Variants in STAU2 observed in about 807,000 individuals in gnomAD.
STAU2 encodes double-stranded RNA-binding protein Staufen homolog 2.
A neutral mutation model predicts 65.9 loss-of-function variants in STAU2; 20 were observed. The ratio of observed to expected loss-of-function variants is 0.30; its 90% CI spans 0.21 to 0.44. STAU2 has a LOEUF of 0.44. STAU2 is among the 20% of genes least tolerant of loss of function. The pLI, the probability that STAU2 is intolerant of heterozygous loss-of-function variation, is 1.00. For missense variants in STAU2, 558 were observed against 683.9 expected, an observed-to-expected ratio of 0.82 and a Z score of 2.05; for synonymous variants, 232 against 233.9, an observed-to-expected ratio of 0.99 and a Z score of 0.07.
chr8:73,653,777 T>C, intron 6 of STAU2: 1 of 269,864 alleles, frequency 3.7e-6, no homozygotes, highest in Non-Finnish European at 7.2e-6. Flanking sequence ...GTAAACAGTT[T>C]TCTTCATGAC....
intron 11 of STAU2, among the ~76,000 whole-genome samples, chr8:73,586,159 A>T (rs1403873832): frequency 6.6e-6 from 1 of 152,230 alleles, no homozygotes; most frequent in African/African-American, 2.4e-5. Context: ...CAGATGAAGA[A>T]GTTGTAGCTA....
At chr8:73,678,454 T>C (rs2130447315) in intron 5 of STAU2, among the ~76,000 whole-genome samples, 1 of 152,286 alleles carries the variant, frequency 6.6e-6, no homozygotes, top group South Asian at 2.1e-4. Context: ...TATTCTTTCC[T>C]CTCATCTATA....
At chr8:73,671,524 A>G (rs1394324194) in intron 6 of STAU2, among the ~76,000 whole-genome samples, 1 of 152,164 alleles carries the variant, frequency 6.6e-6, no homozygotes, top group African/African-American at 2.4e-5. Context: ...CTTTAGTGCA[A>G]TTGGGCAATG....
intron 12 of STAU2, among the ~76,000 whole-genome samples, chr8:73,564,941 CAT>C (rs909712298): frequency 4.6e-5 from 7 of 152,140 alleles, no homozygotes; most frequent in Admixed American, 1.3e-4. Context: ...CGCGTGTGCA[CAT>C]GTGTCCTGGA....
At chr8:73,597,372 GC>G (rs1469549361) in intron 10 of STAU2, among the ~76,000 whole-genome samples, 5 of 151,952 alleles carry the variant, frequency 3.3e-5, no homozygotes, top group Non-Finnish European at 7.4e-5. Flanking sequence ...GATTACTGAG[GC>G]CGGGTGGAGT....
intron 1 of STAU2, 150 bp downstream of exon 1, chr8:73,746,633 A>C: frequency 1.3e-5 from 4 of 301,824 alleles, no homozygotes; most frequent in East Asian, 1.3e-4. Flanking sequence ...TGTGGGAGGG[A>C]AGGCGCGGGG....
At chr8:73,442,685 G>C (rs1818251845) in intron 13 of STAU2, among the ~76,000 whole-genome samples, 1 of 152,164 alleles carries the variant, frequency 6.6e-6, no homozygotes, top group African/African-American at 2.4e-5. Context: ...GCCAAACACA[G>C]TTTTTTCTAA....
At chr8:73,592,348 G>A (rs1228067323) in intron 11 of STAU2, among the ~76,000 whole-genome samples, 3 of 151,940 alleles carry the variant, frequency 2.0e-5, no homozygotes, top group African/African-American at 7.3e-5. Flanking sequence ...AAAAGAAAAA[G>A]GGAATGTTAT....
At chr8:73,631,182 T>C (rs1814064798) in intron 6 of STAU2, among the ~76,000 whole-genome samples, 1 of 152,214 alleles carries the variant, frequency 6.6e-6, no homozygotes, top group East Asian at 1.9e-4. Flanking sequence ...ATAGCAAGAC[T>C]GTCTCTACAA....
intron 6 of STAU2, among the ~76,000 whole-genome samples, chr8:73,658,971 T>C (rs1187763359): frequency 1.3e-5 from 2 of 148,288 alleles, no homozygotes; most frequent in East Asian, 3.9e-4. Context: ...CATACTTAAA[T>C]TGCTTTCTAA....
intron 9 of STAU2, among the ~76,000 whole-genome samples, chr8:73,612,498 C>A (rs1458555978): frequency 6.6e-6 from 1 of 152,094 alleles, no homozygotes; most frequent in Non-Finnish European, 1.5e-5. Context: ...AAGTGCCAGT[C>A]CTCTTTGGAA....
chr8:73,680,608 A>C (rs1233386055), intron 5 of STAU2, among the ~76,000 whole-genome samples: 1 of 152,164 alleles, frequency 6.6e-6, no homozygotes, highest in African/African-American at 2.4e-5. Context: ...GATCCAAACC[A>C]GGAAGAAATA....
chr8:73,448,579 G>A (rs892487858), intron 13 of STAU2, among the ~76,000 whole-genome samples: 10 of 152,156 alleles, frequency 6.6e-5, no homozygotes, highest in African/African-American at 2.4e-4. Context: ...CACCACGCCC[G>A]GCTAGGAGAC....
chr8:73,542,981 A>G (rs925351310), intron 13 of STAU2, among the ~76,000 whole-genome samples: 1 of 152,224 alleles, frequency 6.6e-6, no homozygotes, highest in African/African-American at 2.4e-5. Flanking sequence ...TTGTAAATCA[A>G]TGTTCATAAA....
At chr8:73,569,309 G>A (rs1285603293) in intron 12 of STAU2, among the ~76,000 whole-genome samples, 1 of 152,110 alleles carries the variant, frequency 6.6e-6, no homozygotes, top group Non-Finnish European at 1.5e-5. Flanking sequence ...AAAGCAGCCG[G>A]GAAGCTCGAA....
chr8:73,522,982 G>A (rs1027495487), intron 13 of STAU2, among the ~76,000 whole-genome samples: 1 of 152,012 alleles, frequency 6.6e-6, no homozygotes, highest in African/African-American at 2.4e-5. Context: ...CAGATCACGA[G>A]GTCAGGAGTT....
chr8:73,691,270 T>C (rs191978005), intron 4 of STAU2, among the ~76,000 whole-genome samples: 35 of 152,304 alleles, frequency 2.3e-4, no homozygotes, highest in African/African-American at 7.9e-4. Context: ...TTTAATCCAT[T>C]ATCTCCCAAT....
intron 6 of STAU2, among the ~76,000 whole-genome samples, chr8:73,625,897 C>G (rs1813598807): frequency 6.6e-6 from 1 of 152,054 alleles, no homozygotes; most frequent in Non-Finnish European, 1.5e-5. Flanking sequence ...CTTTTGCACT[C>G]TAGGATGTTA....
intron 8 of STAU2, 71 bp downstream of exon 8, chr8:73,615,604 T>C (rs1046152852): frequency 2.6e-6 from 3 of 1,169,140 alleles, no homozygotes; most frequent in Non-Finnish European, 3.8e-6. Flanking sequence ...AATACACCAG[T>C]TAATTTGATT....
Sources: gnomAD v4.1 joint callset for allele counts (sites outside exome capture counted in the v4.1 genomes callset) on GRCh38, gnomAD v4.1.1 for gene constraint, MANE v1.5 for transcripts, NCBI Gene and HGNC (gene_info 2026-07-23, HGNC 2026-07-21) for gene names.